The following AUTS2 variants were observed in gnomAD, a reference collection of about 807,000 sequenced individuals.
AUTS2 encodes activator of transcription and developmental regulator AUTS2, also known as autism susceptibility gene 2 protein.
In AUTS2, 17 loss-of-function variants were observed where a neutral mutation model predicts 112.4. The observed-to-expected ratio is 0.15, with a 90% CI of 0.10 to 0.23. The LOEUF (loss-of-function observed/expected upper bound fraction) is 0.23, where lower values mean the gene tolerates loss of function less well. Among genes scored for constraint, AUTS2 ranks in the 10% least tolerant of loss-of-function variants. The probability of loss-of-function intolerance (pLI) is 1.00; values close to 1 mark genes in which losing one functional copy is unlikely to be tolerated. For missense variants in AUTS2, 1,510 were observed against 1,701.6 expected, an observed-to-expected ratio of 0.89 and a Z score of 1.98; for synonymous variants, 751 against 702.7, an observed-to-expected ratio of 1.07 and a Z score of -1.09.
chr7:69,729,528 A>T (rs1033313708), intron 1 of AUTS2, among the ~76,000 whole-genome samples: 4 of 149,356 alleles, frequency 2.7e-5, no homozygotes, highest in African/African-American at 7.4e-5. Context: ...GCTTAACATT[A>T]AAAAAGCCAT....
intron 1 of AUTS2, among the ~76,000 whole-genome samples, chr7:69,863,129 A>G (rs1793067977): frequency 6.6e-6 from 1 of 152,186 alleles, no homozygotes; most frequent in Non-Finnish European, 1.5e-5. Context: ...TTGTATATAC[A>G]GTCTGTCTAT....
intron 5 of AUTS2, among the ~76,000 whole-genome samples, chr7:70,645,451 CTGG>C (rs1806106229): frequency 1.3e-5 from 2 of 152,132 alleles, no homozygotes; most frequent in African/African-American, 2.4e-5. Flanking sequence ...ACCAGATGGT[CTGG>C]TGCTGCAGCA....
At chr7:70,078,286 A>G (rs942608538) in intron 2 of AUTS2, among the ~76,000 whole-genome samples, 2 of 152,120 alleles carry the variant, frequency 1.3e-5, no homozygotes, top group Admixed American at 6.6e-5. Context: ...TAGCATATAC[A>G]CCATGCTGGA....
chr7:70,484,111 C>G (rs957329871), intron 5 of AUTS2, among the ~76,000 whole-genome samples: 13 of 152,204 alleles, frequency 8.5e-5, no homozygotes, highest in South Asian at 4.1e-4. Context: ...CCTAATGATA[C>G]TTCTACACAG....
chr7:70,150,645 T>C (rs1385040226), intron 4 of AUTS2, among the ~76,000 whole-genome samples: 1 of 152,224 alleles, frequency 6.6e-6, no homozygotes, highest in Non-Finnish European at 1.5e-5. Flanking sequence ...CTGTACATTT[T>C]GTAGTTAGCA....
chr7:70,170,039 G>C (rs1808586458), intron 4 of AUTS2, among the ~76,000 whole-genome samples: 1 of 151,322 alleles, frequency 6.6e-6, no homozygotes, highest in Non-Finnish European at 1.5e-5. Flanking sequence ...TTCATTTGCT[G>C]GGAATCAGGA....
In AUTS2 at chr7:70,040,136, A is replaced by G. The variant is rs184200853; in HGVS notation, c.523-77996A>G. ...AGTGACTCTGTATTACAGTGGGTAC[A>G]TATAATTTTACGTACGACCAAACCC... On this transcript the variant is annotated intron_variant, in intron 2 of 18. Transcript: ENST00000342771. Among the ~76,000 whole-genome samples, 65 of 151,890 alleles carry G rather than the reference A, an allele frequency of 4.3e-4. No homozygotes were observed. The East Asian group carries it at 0.011, about 25-fold the overall frequency.
At chr7:70,517,122 C>A (rs919226508) in intron 5 of AUTS2, among the ~76,000 whole-genome samples, 11 of 152,192 alleles carry the variant, frequency 7.2e-5, no homozygotes, top group African/African-American at 2.2e-4. Flanking sequence ...CACAGCCTTC[C>A]TGAATAAGGG....
chr7:70,233,866 A>C (rs752752960), intron 4 of AUTS2, among the ~76,000 whole-genome samples: 79 of 152,370 alleles, frequency 5.2e-4, no homozygotes, highest in Non-Finnish European at 1.0e-3. Context: ...TTACAGCCCT[A>C]TACTGGCTTT....
chr7:70,677,502 G>A (rs1186754564), intron 5 of AUTS2, among the ~76,000 whole-genome samples: 9 of 152,082 alleles, frequency 5.9e-5, no homozygotes, highest in Non-Finnish European at 1.0e-4. Context: ...CCACACACTC[G>A]TGCGTTCCTT....
At chr7:70,644,446 G>A (rs556543217) in intron 5 of AUTS2, among the ~76,000 whole-genome samples, 7 of 152,106 alleles carry the variant, frequency 4.6e-5, no homozygotes, top group Admixed American at 2.0e-4. Context: ...CTTCCCTCGC[G>A]GGGTCAACAG....
intron 2 of AUTS2, among the ~76,000 whole-genome samples, chr7:70,064,894 TTGTC>T (rs1235724872): frequency 6.6e-6 from 1 of 152,206 alleles, no homozygotes; most frequent in Non-Finnish European, 1.5e-5. Flanking sequence ...AGGTATTACT[TTGTC>T]TGTGGGTTAC....
rs190624742 is a variant in AUTS2 at position 70,516,375 on chromosome 7, G to C, written c.690+80594G>C. ...TGCCAGCAAAGAGAGGGAAAAATCAGCCCAAGCCTGAAGCACCCTCTTTTT... is the reference window on the plus strand; with the variant it reads ...TGCCAGCAAAGAGAGGGAAAAATCACCCCAAGCCTGAAGCACCCTCTTTTT... On this transcript the variant is annotated intron_variant, in intron 5 of 18. Coordinates refer to ENST00000342771, the MANE Select transcript of AUTS2 (RefSeq NM_015570.4). Among the ~76,000 whole-genome samples, 26 of 152,278 alleles carry C rather than the reference G, an allele frequency of 1.7e-4. No homozygotes were observed. The East Asian group carries it at 4.1e-3, about 24-fold the overall frequency.
At chr7:70,337,142 C>T (rs1446319717) in intron 4 of AUTS2, among the ~76,000 whole-genome samples, 3 of 152,154 alleles carry the variant, frequency 2.0e-5, no homozygotes, top group African/African-American at 7.2e-5. Flanking sequence ...CCTCCCATGG[C>T]ACCGTTTGCT....
intron 1 of AUTS2, among the ~76,000 whole-genome samples, chr7:69,820,567 G>T (rs1437568239): frequency 6.6e-6 from 1 of 152,226 alleles, no homozygotes; most frequent in African/African-American, 2.4e-5. Context: ...AGAATTAAGG[G>T]CTTCCTATAG....
chr7:70,492,935 G>T (rs979874925), intron 5 of AUTS2, among the ~76,000 whole-genome samples: 1 of 152,092 alleles, frequency 6.6e-6, no homozygotes, highest in Admixed American at 6.6e-5. Flanking sequence ...TAACTTTTGC[G>T]TTTTTATCCA....
chr7:70,741,304 T>C (rs73445018), intron 6 of AUTS2, among the ~76,000 whole-genome samples: 2,583 of 149,206 alleles, frequency 0.017, 62 homozygotes, highest in African/African-American at 0.06. Flanking sequence ...ATGGGAGAAA[T>C]GGGATTAGGG....
chr7:69,832,051 C>T (rs750434767), intron 1 of AUTS2, among the ~76,000 whole-genome samples: 41 of 152,008 alleles, frequency 2.7e-4, no homozygotes, highest in Non-Finnish European at 4.9e-4. Flanking sequence ...TATGGTAATC[C>T]CTAAGGCAGC....
At chr7:69,785,894 A>G (rs1291399556) in intron 1 of AUTS2, among the ~76,000 whole-genome samples, 2 of 152,276 alleles carry the variant, frequency 1.3e-5, no homozygotes, top group East Asian at 1.9e-4. Flanking sequence ...GCAATGGCGC[A>G]ATCTCGGCTT....
Sources: allele counts gnomAD v4.1 joint callset (sites outside exome capture counted in the v4.1 genomes callset), GRCh38; gene constraint gnomAD v4.1.1; transcripts MANE v1.5; gene names NCBI Gene and HGNC (gene_info 2026-07-23, HGNC 2026-07-21).